Variants in ADAMTSL2 observed in about 807,000 individuals in gnomAD.
ADAMTSL2 encodes ADAMTS like 2.
ADAMTSL2 carries 55 observed loss-of-function variants against 117.0 expected under a neutral mutation model. The observed-to-expected ratio is 0.47, with a 90% CI of 0.38 to 0.59. The LOEUF (loss-of-function observed/expected upper bound fraction) is 0.59, where lower values mean the gene tolerates loss of function less well. ADAMTSL2 is among the 20% of genes least tolerant of loss of function. The pLI is 0.00. For synonymous variants in ADAMTSL2, 572 were observed against 566.4 expected (o/e 1.01, Z -0.14); for missense variants, 1,182 against 1,354.5 (o/e 0.87, Z 2.00).
At position 133,534,887 on chromosome 9, in the gene ADAMTSL2, C is replaced by G; in HGVS notation, c.-181C>G. Reference sequence around the variant, plus strand: ...CCCTCCGCAGCGCTCGCCCCTTTCTCTGGGAGGACAACCTGCTGACCCGAA... The same window carrying G: ...CCCTCCGCAGCGCTCGCCCCTTTCTGTGGGAGGACAACCTGCTGACCCGAA... On this transcript the variant is annotated 5_prime_UTR_variant, in exon 1 of 19. Coordinates refer to ENST00000651351, the MANE Select transcript of ADAMTSL2 (RefSeq NM_014694.4). 2.8e-6 allele frequency: 4 copies of G among 1,447,878 alleles called. No individual in the cohort carries two copies. The highest frequency in any genetic ancestry group is 3.7e-6 in the Non-Finnish European group (4 of 1,094,830). The allele number at this position is 1,447,878 out of a possible 1,614,324, so 89.7% of individuals were successfully genotyped here.
intron 17 of ADAMTSL2, among the ~76,000 whole-genome samples, chr9:133,573,336 G>A (rs1831154437): frequency 1.3e-5 from 2 of 152,204 alleles, no homozygotes; most frequent in South Asian, 2.1e-4. Flanking sequence ...AGCCACTGGA[G>A]GGGGTGGTGA....
At chr9:133,568,884 C>G in intron 15 of ADAMTSL2, 126 bp downstream of exon 15, 1 of 1,260,448 alleles carries the variant, frequency 7.9e-7, no homozygotes, top group African/African-American at 1.5e-5. Flanking sequence ...GTCCAACCAG[C>G]CTTCTCCCAT....
chr9:133,561,906 G>GC (rs1830738025), intron 12 of ADAMTSL2, among the ~76,000 whole-genome samples: 1 of 152,200 alleles, frequency 6.6e-6, no homozygotes, highest in Non-Finnish European at 1.5e-5. Flanking sequence ...TGCCTCTGCT[G>GC]CCCACTCTAG....
chr9:133,537,596 A>G, intron 3 of ADAMTSL2, 49 bp downstream of exon 3: 2 of 1,323,660 alleles, frequency 1.5e-6, no homozygotes, highest in Non-Finnish European at 9.7e-7. Context: ...AGGGCAGGGT[A>G]GCGGGCAGGA....
At chr9:133,539,992 C>T (rs1405078780) in intron 5 of ADAMTSL2, 119 bp downstream of exon 5, 37 of 959,918 alleles carry the variant, frequency 3.9e-5, no homozygotes, top group Middle Eastern at 4.6e-4. Flanking sequence ...GGTGGTCAGA[C>T]GAAGAGCCAG....
intron 17 of ADAMTSL2, among the ~76,000 whole-genome samples, chr9:133,572,404 C>T (rs923983636): frequency 6.6e-6 from 1 of 152,054 alleles, no homozygotes; most frequent in Non-Finnish European, 1.5e-5. Context: ...GAGACCACGG[C>T]GTGCCGGGCC....
Position 133,534,854 on chromosome 9 carries a change from G to C in ADAMTSL2, c.-214G>C, listed in dbSNP as rs528112188. The C allele has an allele frequency of 2.0e-6, 3 of 1,495,168 alleles. No individual in the cohort carries two copies. In the East Asian group the frequency reaches 8.4e-5, roughly 42 times the overall value. The allele number at this position is 1,495,168 out of a possible 1,614,324, so 92.6% of individuals were successfully genotyped here. ...CCCCCGCACGCACAGCGCACCTGGC[G>C]CCGTCTGCCCTCCGCAGCGCTCGCC... is the stretch of plus-strand genomic sequence containing the variant. On this transcript the variant is annotated 5_prime_UTR_variant, in exon 1 of 19. Transcript: ENST00000651351.
intron 7 of ADAMTSL2, 69 bp downstream of exon 7, chr9:133,541,070 C>T: frequency 6.4e-7 from 1 of 1,561,994 alleles, no homozygotes; most frequent in Non-Finnish European, 8.7e-7. Flanking sequence ...GAGTGTGCTC[C>T]TGTCTGCAGC....
rs1830587500 is a variant in ADAMTSL2 at position 133,555,602 on chromosome 9, G to A, written c.1321G>A (p.Glu441Lys). The A allele has an allele frequency of 3.3e-5, 54 of 1,613,142 alleles. No homozygotes were observed. The highest frequency in any genetic ancestry group is 4.0e-5 in the Non-Finnish European group (47 of 1,180,034). The change falls in exon 11 of 19, where the codon GAA (glutamate) becomes AAA (lysine). Residue 441 changes from glutamate (E) to lysine (K), a missense_variant. Physicochemically the swap from Glu to Lys is moderately conservative, Grantham distance 56. This residue lies in a region of ADAMTSL2 where 345 missense variants were observed against 325.8 expected (regional missense o/e 1.06). Transcript: ENST00000651351. ...TCCTCTCACCGGGGACAAGGATGAC[G>A]AAGAGGTTGACACCCACTTCGCCTC... ...GTPLTGDKDD[E>K]EVDTHFASQE...
chr9:133,551,707 C>T (rs918699581), intron 9 of ADAMTSL2, among the ~76,000 whole-genome samples: 14 of 152,056 alleles, frequency 9.2e-5, no homozygotes, highest in Non-Finnish European at 2.9e-5. Flanking sequence ...ATCTCTATTC[C>T]TATAGGATCT....
chr9:133,556,419 A>G (rs1290439283), intron 11 of ADAMTSL2, among the ~76,000 whole-genome samples: 1 of 152,220 alleles, frequency 6.6e-6, no homozygotes, highest in Non-Finnish European at 1.5e-5. Flanking sequence ...CTGGACAGTC[A>G]TGGCACACAC....
chr9:133,541,934 A>G, intron 7 of ADAMTSL2, among the ~76,000 whole-genome samples: 1 of 152,202 alleles, frequency 6.6e-6, no homozygotes, highest in Non-Finnish European at 1.5e-5. Context: ...TGAGGAATGG[A>G]ACTGGGTTAT....
At chr9:133,539,686 G>GTCCCGGCTGTCCCGGCTGTCCCGGCTA in intron 4 of ADAMTSL2, 85 bp from the exon 5 acceptor site, 3 of 1,305,778 alleles carry the variant, frequency 2.3e-6, no homozygotes, top group South Asian at 1.3e-5. Flanking sequence ...TGTCCCGGCT[G>GTCCCGGCTGTCCCGGCTGTCCCGGCTA]CAGCCACTTC....
intron 8 of ADAMTSL2, 85 bp downstream of exon 8, chr9:133,544,635 G>C: frequency 8.5e-7 from 1 of 1,180,462 alleles, no homozygotes; most frequent in East Asian, 2.3e-5. Context: ...ACTTGACCCT[G>C]GACCCCTTCC....
At chr9:133,572,107 C>T (rs946797878) in intron 17 of ADAMTSL2, among the ~76,000 whole-genome samples, 11 of 152,206 alleles carry the variant, frequency 7.2e-5, no homozygotes, top group Non-Finnish European at 1.0e-4. Flanking sequence ...GTCCAGGCCC[C>T]GGGCCCTTGC....
chr9:133,544,192 C>G (rs1273925163), intron 7 of ADAMTSL2, among the ~76,000 whole-genome samples: 4 of 152,220 alleles, frequency 2.6e-5, no homozygotes, highest in Non-Finnish European at 5.9e-5. Flanking sequence ...TGCTCCATGT[C>G]CCTGTGGCCC....
chr9:133,555,632 G>A lies in ADAMTSL2; in HGVS notation c.1351G>A (p.Glu451Lys). 1 of 1,613,588 alleles carries A rather than the reference G, an allele frequency of 6.2e-7. No homozygotes were observed. The highest frequency in any genetic ancestry group is 1.7e-5 in the Admixed American group (1 of 60,030). ...GGTTGACACCCACTTCGCCTCCCAG[G>A]AGTTCTTCTCGGCTAACGCCATCTC... ...EEVDTHFASQ[E>K]FFSANAISDQ... Residue 451 changes from glutamate to lysine, a missense_variant, in exon 11 of 19, where the codon GAG becomes AAG. By Grantham distance (56) the Glu-to-Lys change is moderately conservative. This residue lies in a region of ADAMTSL2 where 345 missense variants were observed against 325.8 expected (regional missense o/e 1.06). Transcript: ENST00000651351.
intron 10 of ADAMTSL2, 80 bp from the exon 11 acceptor site, chr9:133,555,478 G>T: frequency 6.3e-7 from 1 of 1,582,390 alleles, no homozygotes; most frequent in Non-Finnish European, 8.7e-7. Context: ...TGGCCCCCTC[G>T]TCCAGGTCCC....
intron 6 of ADAMTSL2, 66 bp from the exon 7 acceptor site, chr9:133,540,812 C>G: frequency 6.2e-7 from 1 of 1,613,284 alleles, no homozygotes; most frequent in South Asian, 1.1e-5. Flanking sequence ...CTGTGGGAGG[C>G]AGTGGCGGCC....
Sources: allele counts gnomAD v4.1 joint callset (sites outside exome capture counted in the v4.1 genomes callset), GRCh38; gene constraint gnomAD v4.1.1; regional missense constraint gnomAD v4.1.1; transcripts MANE v1.5; gene names NCBI Gene and HGNC (gene_info 2026-07-23, HGNC 2026-07-21).